Variants in NIBAN1 observed in about 807,000 individuals in gnomAD.
The protein encoded by NIBAN1 is protein Niban 1.
In NIBAN1, 81 loss-of-function variants were observed where a neutral mutation model predicts 75.1. That is an observed-to-expected ratio of 1.08 (90% CI 0.90 to 1.30). The LOEUF (loss-of-function observed/expected upper bound fraction) is 1.30, where lower values mean the gene tolerates loss of function less well. Ranked by LOEUF, NIBAN1 falls within the 50% of genes most tolerant of loss-of-function variation. The pLI, the probability that NIBAN1 is intolerant of heterozygous loss-of-function variation, is 0.00. For missense variants in NIBAN1, 1,133 were observed against 1,128.1 expected (o/e 1.00, Z -0.06); for synonymous variants, 436 against 424.8 (o/e 1.03, Z -0.32).
chr1:184,809,535 G>C (rs1246781715), intron 9 of NIBAN1, among the ~76,000 whole-genome samples: 1 of 151,628 alleles, frequency 6.6e-6, no homozygotes, highest in African/African-American at 2.4e-5. Context: ...CATGAGAAAT[G>C]TACTTTCAAC....
At chr1:184,862,237 C>T (rs1474337315) in intron 5 of NIBAN1, among the ~76,000 whole-genome samples, 1 of 152,134 alleles carries the variant, frequency 6.6e-6, no homozygotes, top group Non-Finnish European at 1.5e-5. Context: ...AAGTGGCTAG[C>T]TAACACTGGG....
At chr1:184,917,830 A>G (rs1391152957) in intron 1 of NIBAN1, among the ~76,000 whole-genome samples, 1 of 152,064 alleles carries the variant, frequency 6.6e-6, no homozygotes, top group Non-Finnish European at 1.5e-5. Flanking sequence ...AAAATTACTC[A>G]TCTACCTCTC....
chr1:184,882,521 G>T (rs532092), intron 5 of NIBAN1, among the ~76,000 whole-genome samples: 2 of 151,982 alleles, frequency 1.3e-5, no homozygotes, highest in Non-Finnish European at 2.9e-5. Context: ...ACAGTTTCTG[G>T]GCAGAGGAAT....
At chr1:184,951,043 G>T (rs906645264) in intron 1 of NIBAN1, among the ~76,000 whole-genome samples, 3 of 152,186 alleles carry the variant, frequency 2.0e-5, no homozygotes, top group Non-Finnish European at 4.4e-5. Context: ...ATGGGAGCAT[G>T]AACTCAGCTC....
At chr1:184,967,708 C>T (rs1047531560) in intron 1 of NIBAN1, among the ~76,000 whole-genome samples, 7 of 152,096 alleles carry the variant, frequency 4.6e-5, no homozygotes, top group Non-Finnish European at 1.0e-4. Flanking sequence ...ATGATGTGGC[C>T]CTCTTACAGC....
intron 1 of NIBAN1, among the ~76,000 whole-genome samples, chr1:184,923,278 C>T (rs908907223): frequency 9.2e-5 from 14 of 152,150 alleles, no homozygotes; most frequent in African/African-American, 2.2e-4. Context: ...CATTCTTCTG[C>T]GTATGGACCT....
intron 1 of NIBAN1, among the ~76,000 whole-genome samples, chr1:184,934,497 C>T (rs1157723272): frequency 6.6e-6 from 1 of 152,194 alleles, no homozygotes; most frequent in South Asian, 2.1e-4. Context: ...GGCTCAGGGG[C>T]TCACACCTGT....
At position 184,843,969 on chromosome 1, in the gene NIBAN1, A is replaced by G. The variant is rs138383416; in HGVS notation, c.602-12007T>C. On this transcript the variant is annotated intron_variant, in intron 5 of 13. Transcript: ENST00000367511. ...GGCATCTGTGTGGCTTACTCTCTGC[A>G]GGCAAGTTTACTACACAACTTGGAT... Among the ~76,000 whole-genome samples, 508 of 152,338 alleles carry G rather than the reference A, an allele frequency of 3.3e-3. 8 individuals carry two copies. The East Asian group carries it at 0.039, about 12-fold the overall frequency.
chr1:184,917,849 G>C (rs1201050767), intron 1 of NIBAN1, among the ~76,000 whole-genome samples: 1 of 152,008 alleles, frequency 6.6e-6, no homozygotes, highest in Non-Finnish European at 1.5e-5. Flanking sequence ...TCAGGCAACT[G>C]CCCTCTTTTT....
chr1:184,877,485 A>G (rs187821368), intron 5 of NIBAN1, among the ~76,000 whole-genome samples: 1 of 152,182 alleles, frequency 6.6e-6, no homozygotes, highest in Non-Finnish European at 1.5e-5. Flanking sequence ...TTAATTTTAA[A>G]AACTCAAAAC....
At chr1:184,893,289 G>A (rs936499406) in intron 3 of NIBAN1, among the ~76,000 whole-genome samples, 1 of 152,114 alleles carries the variant, frequency 6.6e-6, no homozygotes, top group South Asian at 2.1e-4. Flanking sequence ...TTGTCAACAG[G>A]TTCATTTCTA....
chr1:184,972,009 G>A (rs1658953361), intron 1 of NIBAN1, among the ~76,000 whole-genome samples: 1 of 152,222 alleles, frequency 6.6e-6, no homozygotes, highest in South Asian at 2.1e-4. Flanking sequence ...AGGAATGGCA[G>A]CTGTTAAATG....
At chr1:184,883,629 G>T (rs541466026) in intron 5 of NIBAN1, among the ~76,000 whole-genome samples, 1 of 152,318 alleles carries the variant, frequency 6.6e-6, no homozygotes, top group East Asian at 1.9e-4. Flanking sequence ...GAGGCAAAGT[G>T]GCCTGAAGCA....
chr1:184,867,510 C>T (rs994241535), intron 5 of NIBAN1, among the ~76,000 whole-genome samples: 4 of 152,124 alleles, frequency 2.6e-5, no homozygotes, highest in Non-Finnish European at 5.9e-5. Flanking sequence ...AGGATATCTT[C>T]AACTATTATC....
At chr1:184,845,733 G>T (rs1344509940) in intron 5 of NIBAN1, among the ~76,000 whole-genome samples, 2 of 89,312 alleles carry the variant, frequency 2.2e-5, no homozygotes, top group Middle Eastern at 5.6e-3. Context: ...TCACTAGGGA[G>T]TGCCAGACAG....
chr1:184,901,714 TG>T (rs1656960430), intron 1 of NIBAN1, among the ~76,000 whole-genome samples: 1 of 152,212 alleles, frequency 6.6e-6, no homozygotes, highest in African/African-American at 2.4e-5. Context: ...CTTTGAAAGC[TG>T]ATTTTCTGCC....
intron 5 of NIBAN1, among the ~76,000 whole-genome samples, chr1:184,845,040 C>T (rs1216213119): frequency 6.6e-6 from 1 of 152,182 alleles, no homozygotes; most frequent in Non-Finnish European, 1.5e-5. Flanking sequence ...GAACCAGTAC[C>T]GCCAACAGAG....
chr1:184,973,273 CT>C (rs1369701331), intron 1 of NIBAN1, among the ~76,000 whole-genome samples: 1 of 152,226 alleles, frequency 6.6e-6, no homozygotes, highest in East Asian at 1.9e-4. Flanking sequence ...GATTTGATAT[CT>C]TTTTAAAACG....
rs200155688 is a variant in NIBAN1 at position 184,895,824 on chromosome 1, G to C, written c.187-1618C>G. Among the ~76,000 whole-genome samples the C allele has an allele frequency of 1.7e-4, 26 of 152,168 alleles. No individual in the cohort carries two copies. The East Asian group carries it at 4.3e-3, about 25-fold the overall frequency. On this transcript the variant is annotated intron_variant, in intron 2 of 13. Transcript: ENST00000367511. The stretch of plus-strand genomic sequence containing the variant: ...GAAAACATGTGGTATTTGATTTTCT[G>C]TTTCTGAGTTAGTTCACTTAGGATA...
Sources: gnomAD v4.1 joint callset for allele counts (sites outside exome capture counted in the v4.1 genomes callset) on GRCh38, gnomAD v4.1.1 for gene constraint, MANE v1.5 for transcripts, NCBI Gene and HGNC (gene_info 2026-07-23, HGNC 2026-07-21) for gene names.